The following LRRTM4 variants were observed in gnomAD, a reference collection of about 807,000 sequenced individuals.
LRRTM4 encodes the protein leucine-rich repeat transmembrane neuronal protein 4.
LRRTM4 carries 25 observed loss-of-function variants against 47.6 expected under a neutral mutation model. That is an observed-to-expected ratio of 0.53 (90% confidence interval 0.38 to 0.73). LRRTM4 has a LOEUF of 0.73. Among genes scored for constraint, LRRTM4 ranks in the 30% least tolerant of loss-of-function variants. LRRTM4 has a pLI of 0.00. For synonymous variants in LRRTM4, 311 were observed against 269.5 expected (o/e 1.15, Z -1.51); for missense variants, 638 against 713.4 (o/e 0.89, Z 1.20).
intron 3 of LRRTM4, among the ~76,000 whole-genome samples, chr2:77,502,487 AAAG>A (rs956750647): frequency 8.1e-4 from 123 of 151,732 alleles, no homozygotes; most frequent in African/African-American, 2.8e-3. Context: ...AAAAATTTAT[AAAG>A]AAGATTTTCA....
At chr2:76,998,470 T>C (rs1024615962) in intron 3 of LRRTM4, among the ~76,000 whole-genome samples, 1 of 151,748 alleles carries the variant, frequency 6.6e-6, no homozygotes, top group African/African-American at 2.4e-5. Context: ...AACAAACAGA[T>C]CCATGATGCA....
At chr2:77,108,059 C>T (rs1352862440) in intron 3 of LRRTM4, among the ~76,000 whole-genome samples, 2 of 151,672 alleles carry the variant, frequency 1.3e-5, no homozygotes, top group African/African-American at 4.8e-5. Flanking sequence ...ATATTAAACT[C>T]TGTGAAAAAA....
chr2:77,198,612 G>C (rs1673891697), intron 3 of LRRTM4, among the ~76,000 whole-genome samples: 1 of 152,148 alleles, frequency 6.6e-6, no homozygotes, highest in African/African-American at 2.4e-5. Flanking sequence ...GAAAAACCTA[G>C]ATATATTTGG....
intron 3 of LRRTM4, among the ~76,000 whole-genome samples, chr2:76,870,660 T>A (rs566224124): frequency 6.6e-6 from 1 of 152,238 alleles, no homozygotes; most frequent in African/African-American, 2.4e-5. Flanking sequence ...CCTGCACATG[T>A]CAAGTTCATG....
chr2:77,426,996 T>A (rs1233888175), intron 3 of LRRTM4, among the ~76,000 whole-genome samples: 1 of 151,796 alleles, frequency 6.6e-6, no homozygotes, highest in Non-Finnish European at 1.5e-5. Context: ...TTTTTTTTTT[T>A]TCTGACGGAG....
chr2:77,134,994 G>C (rs1671895383), intron 3 of LRRTM4, among the ~76,000 whole-genome samples: 1 of 129,246 alleles, frequency 7.7e-6, no homozygotes, highest in African/African-American at 3.4e-5. Flanking sequence ...TACCTTCTGA[G>C]GCATCAGTAA....
At chr2:77,089,320 A>C (rs1241940340) in intron 3 of LRRTM4, among the ~76,000 whole-genome samples, 1 of 149,332 alleles carries the variant, frequency 6.7e-6, no homozygotes, top group Non-Finnish European at 1.5e-5. Context: ...ACCAAGTCCC[A>C]CTTTTCTAGA....
chr2:77,193,856 C>T (rs1013885935), intron 3 of LRRTM4, among the ~76,000 whole-genome samples: 5 of 152,086 alleles, frequency 3.3e-5, no homozygotes, highest in African/African-American at 7.2e-5. Flanking sequence ...CGTTTATATC[C>T]GGATCACACA....
At chr2:77,133,187 C>T (rs917720586) in intron 3 of LRRTM4, among the ~76,000 whole-genome samples, 1 of 152,086 alleles carries the variant, frequency 6.6e-6, no homozygotes, top group African/African-American at 2.4e-5. Flanking sequence ...AGAAATAAAG[C>T]TATGCTAGTG....
At position 76,748,405 on chromosome 2, in the gene LRRTM4, T is replaced by G; in HGVS notation, c.*290A>C. ...AAACCTATATGTAGCTAGGGTGAAA[T>G]CTATTTTTATAAGAACTTGACACTC... On this transcript the variant is annotated 3_prime_UTR_variant, in exon 4 of 4. Transcript: ENST00000409884. 1 of 392,110 alleles carries G rather than the reference T, an allele frequency of 2.6e-6. No homozygotes were observed. The highest frequency in any genetic ancestry group is 3.0e-5 in the South Asian group (1 of 33,822). 24.3% of individuals were successfully genotyped at this position (392,110 alleles called of 1,614,324 possible). A position where few individuals can be genotyped will look rare whatever the true frequency, so the allele number is the denominator to read the frequency against.
chr2:77,158,386 T>A (rs758491326), intron 3 of LRRTM4, among the ~76,000 whole-genome samples: 3 of 152,226 alleles, frequency 2.0e-5, no homozygotes, highest in Non-Finnish European at 4.4e-5. Context: ...GATGCATATT[T>A]GTTTGAAATT....
At chr2:77,080,837 C>G (rs1363895967) in intron 3 of LRRTM4, among the ~76,000 whole-genome samples, 1 of 152,138 alleles carries the variant, frequency 6.6e-6, no homozygotes, top group Non-Finnish European at 1.5e-5. Context: ...GCTTAGCGCC[C>G]AGTTATTTCT....
At chr2:77,058,811 T>C (rs1242788698) in intron 3 of LRRTM4, among the ~76,000 whole-genome samples, 1 of 152,264 alleles carries the variant, frequency 6.6e-6, no homozygotes, top group South Asian at 2.1e-4. Flanking sequence ...ATTTAGACGA[T>C]TGTTTTAAAT....
At chr2:77,503,750 T>C (rs2104083642) in intron 3 of LRRTM4, among the ~76,000 whole-genome samples, 1 of 151,252 alleles carries the variant, frequency 6.6e-6, no homozygotes, top group African/African-American at 2.4e-5. Flanking sequence ...AAAAGGTGAA[T>C]GATTAAATGA....
chr2:76,966,019 G>A (rs1676012039), intron 3 of LRRTM4, among the ~76,000 whole-genome samples: 1 of 151,466 alleles, frequency 6.6e-6, no homozygotes, highest in Admixed American at 6.6e-5. Flanking sequence ...CTGGTGGCAA[G>A]AGTTGGCTAC....
At chr2:77,315,333 A>T (rs1558684621) in intron 3 of LRRTM4, among the ~76,000 whole-genome samples, 1 of 152,162 alleles carries the variant, frequency 6.6e-6, no homozygotes, top group South Asian at 2.1e-4. Context: ...TTTGTTCACA[A>T]GGAATAATAT....
intron 3 of LRRTM4, among the ~76,000 whole-genome samples, chr2:77,170,005 G>C (rs1008807254): frequency 6.6e-6 from 1 of 152,090 alleles, no homozygotes; most frequent in East Asian, 1.9e-4. Context: ...AATTCATTGA[G>C]TTTTATATGG....
chr2:77,052,137 AC>A (rs1436967146), intron 3 of LRRTM4, among the ~76,000 whole-genome samples: 1 of 143,902 alleles, frequency 6.9e-6, no homozygotes, highest in Non-Finnish European at 1.5e-5. Flanking sequence ...AAAAAAAAAT[AC>A]CGTTACATTT....
intron 3 of LRRTM4, among the ~76,000 whole-genome samples, chr2:77,297,666 C>T (rs1357516040): frequency 1.3e-5 from 2 of 152,180 alleles, no homozygotes; most frequent in Non-Finnish European, 2.9e-5. Flanking sequence ...TCCCAGGAGC[C>T]TCTCTATGCT....
Sources: allele counts gnomAD v4.1 joint callset (sites outside exome capture counted in the v4.1 genomes callset), GRCh38; gene constraint gnomAD v4.1.1; transcripts MANE v1.5; gene names NCBI Gene and HGNC (gene_info 2026-07-23, HGNC 2026-07-21).